Variants in SLC9B2 observed in about 807,000 individuals in gnomAD.
SLC9B2 encodes solute carrier family 9 member B2.
A neutral mutation model predicts 52.2 loss-of-function variants in SLC9B2; 39 were observed. The ratio of observed to expected loss-of-function variants is 0.75; its 90% CI spans 0.58 to 0.98. The LOEUF is 0.98. Among genes scored for constraint, SLC9B2 ranks in the 50% least tolerant of loss-of-function variants. SLC9B2 has a pLI of 0.00. For synonymous variants in SLC9B2, 214 were observed against 227.0 expected (o/e 0.94, Z 0.51); for missense variants, 626 against 637.5 (o/e 0.98, Z 0.19).
chr4:103,052,964 C>G (rs113475098), intron 4 of SLC9B2, among the ~76,000 whole-genome samples: 4 of 152,242 alleles, frequency 2.6e-5, no homozygotes, highest in African/African-American at 9.6e-5. Flanking sequence ...TGATTTGGCA[C>G]ATGTCCCCAC....
rs918272210 is a variant in SLC9B2, at chr4:103,025,087, C to T, written c.*1283G>A. ...TCCTCCTAGGAGTGTGAATGCTTAGCTAGAGACAACACTTAGCTGCCTCAC... is the reference window on the plus strand; with the variant it reads ...TCCTCCTAGGAGTGTGAATGCTTAGTTAGAGACAACACTTAGCTGCCTCAC... On this transcript the variant is annotated 3_prime_UTR_variant, in exon 12 of 12. Transcript: ENST00000394785. Among the ~76,000 whole-genome samples, 1 of 152,190 alleles carries T rather than the reference C, an allele frequency of 6.6e-6. No individual in the cohort carries two copies. The highest frequency in any genetic ancestry group is 2.4e-5 in the African/African-American group (1 of 41,452).
intron 10 of SLC9B2, 119 bp from the exon 11 acceptor site, chr4:103,029,002 A>AATACAAAAATGTTTAGGAAGAATAT (rs1189977063): frequency 1.2e-6 from 1 of 835,076 alleles, no homozygotes; most frequent in Non-Finnish European, 1.8e-6. Context: ...AAAAATTACA[A>AATACAAAAATGTTTAGGAAGAATAT]ATACAAAAAT....
rs1175082446 is a variant in SLC9B2, at chr4:103,050,383, C to T, written c.443-1G>A. ...ATGAGAAACCCTGCAAGCAGCATGC[C>T]TTGAACGAAGAAATCAAACATATCT... On this transcript the variant is annotated splice_acceptor_variant, in intron 4 of 11. Coordinates refer to ENST00000394785, the MANE Select transcript of SLC9B2 (RefSeq NM_178833.7). LOFTEE classifies it high-confidence loss of function. 7.0e-6 allele frequency: 11 copies of T among 1,573,230 alleles called. No individual in the cohort carries two copies. The Admixed American group carries it at 2.2e-4, about 31-fold the overall frequency.
At chr4:103,059,948 T>A (rs965885295) in intron 3 of SLC9B2, among the ~76,000 whole-genome samples, 3 of 152,142 alleles carry the variant, frequency 2.0e-5, no homozygotes, top group Non-Finnish European at 4.4e-5. Flanking sequence ...AGTGTTATTG[T>A]TTCTCCATTC....
chr4:103,044,940 T>G lies in SLC9B2; in HGVS notation c.946A>C (p.Thr316Pro). 6.2e-7 allele frequency: 1 copy of G among 1,613,942 alleles called. No homozygotes were observed. Among genetic ancestry groups the G allele is most frequent in the Non-Finnish European group, 8.5e-7 (1 of 1,179,900 alleles). Reference protein sequence around the residue: ...GVLEVVIGVATGSVLGFFIQY... With the variant: ...GVLEVVIGVAPGSVLGFFIQY... ...ATGAAAAATCCAAGAACAGATCCAG[T>G]TGCCACACCAATTACCACCTCCAAA... The change falls in exon 8 of 12, where the codon ACT becomes CCT. Residue 316 changes from threonine to proline, a missense_variant. Coordinates refer to ENST00000394785, the MANE Select transcript of SLC9B2 (RefSeq NM_178833.7).
intron 9 of SLC9B2, among the ~76,000 whole-genome samples, chr4:103,035,526 T>C (rs1226956949): frequency 6.6e-6 from 1 of 152,102 alleles, no homozygotes; most frequent in African/African-American, 2.4e-5. Context: ...GTCAAATGCA[T>C]TTCTGTCTTT....
intron 9 of SLC9B2, among the ~76,000 whole-genome samples, chr4:103,043,003 A>G (rs2110600714): frequency 6.6e-6 from 1 of 152,212 alleles, no homozygotes; most frequent in Middle Eastern, 3.4e-3. Context: ...CTTGGCAGAA[A>G]ACTAGAAACA....
intron 4 of SLC9B2, among the ~76,000 whole-genome samples, chr4:103,051,296 G>A (rs1744665822): frequency 6.6e-6 from 1 of 152,222 alleles, no homozygotes; most frequent in African/African-American, 2.4e-5. Flanking sequence ...GTTTCTGTGA[G>A]AGACTGAGCC....
rs570159613 is a variant in SLC9B2 at position 103,063,429 on chromosome 4, C to A, written c.271+2898G>T. Among the ~76,000 whole-genome samples, 10 of 152,158 alleles carry A rather than the reference C, an allele frequency of 6.6e-5. No individual in the cohort carries two copies. In the South Asian group the frequency reaches 1.7e-3, roughly 25 times the overall value. ...ATAATGGTAAACATGTCTTTCAGAG[C>A]CCACAAAGTATAACTATGGAATTGA... On this transcript the variant is annotated intron_variant, in intron 3 of 11. Coordinates refer to ENST00000394785, the MANE Select transcript of SLC9B2 (RefSeq NM_178833.7).
Position 103,047,114 on chromosome 4 carries a change from T to C in SLC9B2, c.826A>G (p.Ser276Gly). The change falls in exon 7 of 12, where the codon AGC becomes GGC. Residue 276 changes from serine to glycine, a missense_variant. Ser to Gly is a moderately conservative substitution (Grantham distance 56, BLOSUM62 0). Transcript: ENST00000394785. Reference sequence around the variant, plus strand: ...GTGATGGCCAGAATGTCATCGAAGCTGCCAGCTGCCATGAGCAAGGTTGGG... The same window carrying C: ...GTGATGGCCAGAATGTCATCGAAGCCGCCAGCTGCCATGAGCAAGGTTGGG... ...GVPTLLMAAG[S>G]FDDILAITGF... is the part of the protein sequence containing the mutation. 1.9e-6 allele frequency: 3 copies of C among 1,614,072 alleles called. No homozygotes were observed. Among genetic ancestry groups the C allele is most frequent in the Non-Finnish European group, 2.5e-6 (3 of 1,179,966 alleles).
At chr4:103,077,117 TTG>T (rs886943066), upstream of SLC9B2, 3 of 152,242 alleles carry the variant, frequency 2.0e-5, no homozygotes, top group Non-Finnish European at 2.9e-5. Context: ...GTATTTCCTC[TTG>T]TGTGTGTTAA....
At chr4:103,033,773 A>G (rs1419261117) in intron 9 of SLC9B2, among the ~76,000 whole-genome samples, 2 of 152,168 alleles carry the variant, frequency 1.3e-5, no homozygotes, top group East Asian at 3.9e-4. Context: ...AAATCTCTAC[A>G]ATGAGAATTA....
intron 2 of SLC9B2, among the ~76,000 whole-genome samples, chr4:103,067,194 G>A (rs1027580331): frequency 6.6e-6 from 1 of 152,146 alleles, no homozygotes; most frequent in African/African-American, 2.4e-5. Context: ...TATCTGTAAT[G>A]AAAACCACTT....
At chr4:103,032,353 C>T (rs146346474) in intron 9 of SLC9B2, among the ~76,000 whole-genome samples, 1 of 152,216 alleles carries the variant, frequency 6.6e-6, no homozygotes, top group African/African-American at 2.4e-5. Context: ...TTAAGGTTAT[C>T]TCAAATCACG....
At chr4:103,057,295 T>TATACAC (rs1560555252) in intron 4 of SLC9B2, among the ~76,000 whole-genome samples, 22 of 146,002 alleles carry the variant, frequency 1.5e-4, no homozygotes, top group African/African-American at 5.2e-4. Flanking sequence ...CACACATATA[T>TATACAC]ACACACACAC....
chr4:103,038,486 T>A (rs1743365462), intron 9 of SLC9B2, among the ~76,000 whole-genome samples: 1 of 152,186 alleles, frequency 6.6e-6, no homozygotes. Flanking sequence ...TTTTTCATAA[T>A]GTCAAAACTA....
chr4:103,047,968 A>T (rs1161687131), intron 6 of SLC9B2, among the ~76,000 whole-genome samples: 1 of 152,206 alleles, frequency 6.6e-6, no homozygotes, highest in Non-Finnish European at 1.5e-5. Context: ...TAATGAGGGT[A>T]GGCCCCAGGA....
Position 103,026,229 on chromosome 4 carries a change from G to A in SLC9B2, c.*141C>T. On this transcript the variant is annotated 3_prime_UTR_variant, in exon 12 of 12. Coordinates refer to ENST00000394785, the MANE Select transcript of SLC9B2 (RefSeq NM_178833.7). ...ATTACCACCCACATGGAAAGAGCAA[G>A]GGCTAAAAATGCTGTTTAAAGAAAC... is the stretch of plus-strand genomic sequence containing the variant. 1.4e-6 allele frequency: 1 copy of A among 723,840 alleles called. No homozygotes were observed. Among genetic ancestry groups the A allele is most frequent in the Non-Finnish European group, 2.2e-6 (1 of 450,838 alleles). The allele number at this position is 723,840 out of a possible 1,614,324, so 44.8% of individuals were successfully genotyped here.
At chr4:103,018,052 T>C (rs973837299), downstream of SLC9B2, among the ~76,000 whole-genome samples, 2 of 152,230 alleles carry the variant, frequency 1.3e-5, no homozygotes, top group African/African-American at 4.8e-5. Context: ...AAAATATTTA[T>C]TGAACATATA....
Sources: allele counts gnomAD v4.1 joint callset (sites outside exome capture counted in the v4.1 genomes callset), GRCh38; gene constraint gnomAD v4.1.1; transcripts MANE v1.5; gene names NCBI Gene and HGNC (gene_info 2026-07-23, HGNC 2026-07-21).